The following EHHADH variants were observed in gnomAD, a reference collection of about 807,000 sequenced individuals.
The protein encoded by EHHADH is peroxisomal bifunctional enzyme.
In EHHADH, 48 loss-of-function variants were observed where a neutral mutation model predicts 64.4. That is an observed-to-expected ratio of 0.75 (90% CI 0.59 to 0.95). EHHADH has a LOEUF of 0.95. EHHADH is among the 40% of genes least tolerant of loss of function. EHHADH has a pLI of 0.00. For missense variants in EHHADH, 854 were observed against 876.6 expected, an observed-to-expected ratio of 0.97 and a Z score of 0.33; for synonymous variants, 308 against 326.7, an observed-to-expected ratio of 0.94 and a Z score of 0.62.
intron 5 of EHHADH, among the ~76,000 whole-genome samples, chr3:185,213,868 G>A (rs1339035979): frequency 1.5e-5 from 2 of 135,488 alleles, no homozygotes. Flanking sequence ...CAACAAGAGC[G>A]AAACTCCGTC....
intron 2 of EHHADH, chr3:185,246,112 T>C (rs1577377746): frequency 8.0e-7 from 1 of 1,255,184 alleles, no homozygotes; most frequent in East Asian, 2.3e-5. Context: ...ATCCTCTGGT[T>C]CAGCTGGTTC....
chr3:185,202,831 T>G (rs1328174967), intron 6 of EHHADH, among the ~76,000 whole-genome samples: 1 of 152,062 alleles, frequency 6.6e-6, no homozygotes, highest in Non-Finnish European at 1.5e-5. Flanking sequence ...TGCCAAAAGG[T>G]TGGAGACCAC....
intron 4 of EHHADH, 79 bp downstream of exon 4, chr3:185,229,353 G>T: frequency 1.2e-6 from 1 of 850,732 alleles, no homozygotes; most frequent in African/African-American, 1.7e-5. Flanking sequence ...GGGAGTAGGT[G>T]GTCAAGCCAG....
At chr3:185,221,415 T>C (rs544124546) in intron 4 of EHHADH, among the ~76,000 whole-genome samples, 186 of 152,284 alleles carry the variant, frequency 1.2e-3, no homozygotes, top group African/African-American at 4.3e-3. Context: ...GTATTTATTA[T>C]ACCATTATAA....
intron 4 of EHHADH, among the ~76,000 whole-genome samples, chr3:185,224,222 G>A (rs946904853): frequency 7.2e-5 from 11 of 151,866 alleles, no homozygotes; most frequent in African/African-American, 2.2e-4. Context: ...AATTTCGGCC[G>A]GGCGCAGTGG....
intron 4 of EHHADH, among the ~76,000 whole-genome samples, chr3:185,220,076 G>A (rs1170518024): frequency 6.6e-6 from 1 of 152,110 alleles, no homozygotes; most frequent in Non-Finnish European, 1.5e-5. Context: ...AGGGAACCAA[G>A]CAAACACAAA....
Position 185,204,592 on chromosome 3 carries a change from T to C in EHHADH, c.734A>G (p.Tyr245Cys), listed in dbSNP as rs1357636145. ...RAVQAAVQYP[Y>C]EVGIKKEEEL... is the part of the protein sequence containing the mutation. The stretch of plus-strand genomic sequence containing the variant: ...CTCCTCCTTCTTGATGCCCACTTCA[T>C]AGGGATACTGCACAGCAGCCTGGAC... Residue 245 changes from tyrosine (Y) to cysteine (C), a missense_variant, in exon 6 of 7, where the codon TAT becomes TGT. Physicochemically the swap from Tyr to Cys is radical, Grantham distance 194. Transcript: ENST00000231887. 9 of 1,614,220 alleles carry C rather than the reference T, an allele frequency of 5.6e-6. No individual in the cohort carries two copies. The highest frequency in any genetic ancestry group is 6.8e-6 in the Non-Finnish European group (8 of 1,180,034).
At chr3:185,233,822 T>C (rs1181103896) in intron 3 of EHHADH, among the ~76,000 whole-genome samples, 1 of 152,182 alleles carries the variant, frequency 6.6e-6, no homozygotes, top group Non-Finnish European at 1.5e-5. Context: ...ATTTTTGTAT[T>C]TTTAGTAGAG....
Position 185,192,451 on chromosome 3 carries a change from GACA to G in EHHADH, c.1944_1946del (p.Val649del). 1 of 1,614,232 alleles carries G rather than the reference GACA, an allele frequency of 6.2e-7. No homozygotes were observed. The highest frequency in any genetic ancestry group is 8.5e-7 in the Non-Finnish European group (1 of 1,180,042). On this transcript the variant is annotated inframe_deletion, in exon 7 of 7. Transcript: ENST00000231887. Reference sequence around the variant, plus strand: ...TTGGCCATCCATATCCATGTAAATAGACAACATCAATGTGCTCTGGGCTAGCAG... The same window carrying G: ...TTGGCCATCCATATCCATGTAAATAGACATCAATGTGCTCTGGGCTAGCAG...
chr3:185,220,421 T>C lies in EHHADH; in HGVS notation c.464-2181A>G, dbSNP rs1333658810. On this transcript the variant is annotated intron_variant, in intron 4 of 6. Transcript: ENST00000231887. ...TCCATTGTGTTACAAATGCCTACAGTATTCAGTACAGTAACATGCTGCACA... is the reference window on the plus strand; with the variant it reads ...TCCATTGTGTTACAAATGCCTACAGCATTCAGTACAGTAACATGCTGCACA... Among the ~76,000 whole-genome samples, 6 of 152,184 alleles carry C rather than the reference T, an allele frequency of 3.9e-5. 1 individual carries two copies. The highest frequency in any genetic ancestry group is 3.9e-4 in the Admixed American group (6 of 15,284).
intron 6 of EHHADH, among the ~76,000 whole-genome samples, chr3:185,202,138 G>A (rs1718246998): frequency 6.6e-6 from 1 of 152,178 alleles, no homozygotes; most frequent in Non-Finnish European, 1.5e-5. Flanking sequence ...AGAGGTTCAA[G>A]ACCAGCCTGG....
intron 5 of EHHADH, among the ~76,000 whole-genome samples, chr3:185,214,795 A>C (rs559668881): frequency 6.6e-6 from 1 of 152,340 alleles, no homozygotes; most frequent in East Asian, 1.9e-4. Flanking sequence ...TATCGTTTTT[A>C]CATAATTAAT....
intron 4 of EHHADH, among the ~76,000 whole-genome samples, chr3:185,218,868 C>T (rs1718763549): frequency 6.6e-6 from 1 of 152,000 alleles, no homozygotes; most frequent in Non-Finnish European, 1.5e-5. Context: ...ACTACAAATA[C>T]AAAAATTAAC....
At chr3:185,196,642 A>G in intron 6 of EHHADH, among the ~76,000 whole-genome samples, 1 of 152,048 alleles carries the variant, frequency 6.6e-6, no homozygotes. Flanking sequence ...TTCTGTCTCG[A>G]AAAAAAAGAA....
At chr3:185,248,384 G>C in intron 2 of EHHADH, 30 bp downstream of exon 2, 1 of 1,479,998 alleles carries the variant, frequency 6.8e-7, no homozygotes, top group South Asian at 1.1e-5. Context: ...GGATTCCAGA[G>C]ATGGTGGGAG....
At position 185,191,394 on chromosome 3, in the gene EHHADH, T is replaced by C. The variant is rs1717863339; in HGVS notation, c.*832A>G. ...TATGAATAATTCTGCTATAAATATT[T>C]GTGTACAAGTTTTTGTATTGACCAG... On this transcript the variant is annotated 3_prime_UTR_variant, in exon 7 of 7. Transcript: ENST00000231887. 6.6e-6 allele frequency: 1 copy of C among 152,226 alleles called. No homozygotes were observed. The highest frequency in any genetic ancestry group is 2.4e-5 in the African/African-American group (1 of 41,468). 9.4% of individuals were successfully genotyped at this position (152,226 alleles called of 1,614,324 possible).
intron 5 of EHHADH, among the ~76,000 whole-genome samples, chr3:185,215,874 G>A (rs4687145): frequency 0.66 from 99,691 of 151,922 alleles, 34,874 homozygotes; most frequent in Non-Finnish European, 0.79. Flanking sequence ...CTCTATACAC[G>A]ATTATATACT....
chr3:185,243,440 C>T (rs1280737960), intron 2 of EHHADH, among the ~76,000 whole-genome samples: 1 of 152,118 alleles, frequency 6.6e-6, no homozygotes, highest in African/African-American at 2.4e-5. Context: ...TCATTTAGTT[C>T]TGCTCAGATC....
Position 185,229,563 on chromosome 3 carries a change from T to C in EHHADH, c.352-20A>G, listed in dbSNP as rs1244420064. The C allele has an allele frequency of 4.1e-6, 6 of 1,448,494 alleles. No homozygotes were observed. Among genetic ancestry groups the C allele is most frequent in the Non-Finnish European group, 5.6e-6 (6 of 1,069,968 alleles). 89.7% of individuals were successfully genotyped at this position (1,448,494 alleles called of 1,614,324 possible). A position where few individuals can be genotyped will look rare whatever the true frequency, so the allele number is the denominator to read the frequency against. On this transcript the variant is annotated intron_variant, in intron 3 of 6. Transcript: ENST00000231887. Reference sequence around the variant, plus strand: ...TTGAGCCTATCAAAGATTGAAGGCATAAAGGCCATTAGCATGAGATGGTAT... The same window carrying C: ...TTGAGCCTATCAAAGATTGAAGGCACAAAGGCCATTAGCATGAGATGGTAT...
Sources: gnomAD v4.1 joint callset for allele counts (sites outside exome capture counted in the v4.1 genomes callset) on GRCh38, gnomAD v4.1.1 for gene constraint, MANE v1.5 for transcripts, NCBI Gene and HGNC (gene_info 2026-07-23, HGNC 2026-07-21) for gene names.